Variants in C1GALT1C1L observed in about 807,000 individuals in gnomAD.
The protein encoded by C1GALT1C1L is C1GALT1 specific chaperone 1 like, also known as C1GALT1-specific chaperone 1-like protein.
In C1GALT1C1L, 1 loss-of-function variant was observed where a neutral mutation model predicts 0.5. The observed-to-expected ratio is 2.11, with a 90% CI of 0.75 to 10.02. The LOEUF is 10.02. Ranked by LOEUF, C1GALT1C1L falls within the 30% of genes most tolerant of loss-of-function variation. The pLI, the probability that C1GALT1C1L is intolerant of heterozygous loss-of-function variation, is 0.13. For synonymous variants in C1GALT1C1L, 148 were observed against 132.6 expected, an observed-to-expected ratio of 1.12 and a Z score of -0.80; for missense variants, 444 against 375.5, an observed-to-expected ratio of 1.18 and a Z score of -1.51.
Position 43,675,773 on chromosome 2 carries a change from C to G in C1GALT1C1L, c.550G>C (p.Gly184Arg), listed in dbSNP as rs1667726113. 2 of 1,613,684 alleles carry G rather than the reference C, an allele frequency of 1.2e-6. No homozygotes were observed. The highest frequency in any genetic ancestry group is 2.2e-5 in the East Asian group (1 of 44,870). The change falls in exon 1 of 1, where the codon GGG (glycine) becomes CGG (arginine). Residue 184 changes from glycine (G) to arginine (R), a missense_variant. Physicochemically the swap from Gly to Arg is moderately radical, Grantham distance 125 (BLOSUM62 -2). Coordinates refer to ENST00000475092, the MANE Select transcript of C1GALT1C1L (RefSeq NM_001101330.3). ...ATCAACTCTCTGCTTAAGACAATCC[C>G]TCCTTCCACAGTCACGTATTCGAGG... is the stretch of plus-strand genomic sequence containing the variant. ...GDLEYVTVEG[G>R]IVLSRELMKR... is the part of the protein sequence containing the mutation.
chr2:43,676,170 G>T lies in C1GALT1C1L; in HGVS notation c.153C>A (p.Asn51Lys), dbSNP rs777861497. 1.2e-6 allele frequency: 2 copies of T among 1,614,014 alleles called. No individual in the cohort carries two copies. Among genetic ancestry groups the T allele is most frequent in the Non-Finnish European group, 1.7e-6 (2 of 1,179,904 alleles). Residue 51 changes from asparagine (N) to lysine (K), a missense_variant, in exon 1 of 1, where the codon AAC becomes AAA. Transcript: ENST00000475092. ...EHHHLRPPNRNDFLNTSKVIL... is the reference protein window; with the variant it reads ...EHHHLRPPNRKDFLNTSKVIL... The stretch of plus-strand genomic sequence containing the variant: ...TCACTTTTGAAGTGTTTAAGAAATC[G>T]TTCCTGTTAGGTGGACGAAGGTGAT...
Position 43,676,276 on chromosome 2 carries a change from C to T in C1GALT1C1L, c.47G>A (p.Gly16Glu). Residue 16 changes from glycine (G) to glutamate (E), a missense_variant, in exon 1 of 1, where the codon GGG becomes GAG. By Grantham distance (98) the Gly-to-Glu change is moderately conservative (BLOSUM62 -2). Transcript: ENST00000475092. ...AGTTATCAAAACCCAGGAAATGCTC[C>T]CAAGCAACATACCCTTAAAAAATGA... ...GTSFFKGMLLGSISWVLITMF... is the reference protein window; with the variant it reads ...GTSFFKGMLLESISWVLITMF... 1 of 1,613,400 alleles carries T rather than the reference C, an allele frequency of 6.2e-7. No individual in the cohort carries two copies. The highest frequency in any genetic ancestry group is 8.5e-7 in the Non-Finnish European group (1 of 1,179,692).
chr2:43,676,172 T>A lies in C1GALT1C1L; in HGVS notation c.151A>T (p.Asn51Tyr). ...ACTTTTGAAGTGTTTAAGAAATCGT[T>A]CCTGTTAGGTGGACGAAGGTGATGG... is the stretch of plus-strand genomic sequence containing the variant. ...EHHHLRPPNRNDFLNTSKVIL... is the reference protein window; with the variant it reads ...EHHHLRPPNRYDFLNTSKVIL... Residue 51 changes from asparagine to tyrosine, a missense_variant, in exon 1 of 1, where the codon AAC (asparagine) becomes TAC (tyrosine). Physicochemically the swap from Asn to Tyr is moderately radical, Grantham distance 143. Coordinates refer to ENST00000475092, the MANE Select transcript of C1GALT1C1L (RefSeq NM_001101330.3). 1 of 1,614,030 alleles carries A rather than the reference T, an allele frequency of 6.2e-7. No homozygotes were observed. Among genetic ancestry groups the A allele is most frequent in the Non-Finnish European group, 8.5e-7 (1 of 1,179,888 alleles).
Position 43,675,864 on chromosome 2 carries a change from C to T in C1GALT1C1L, c.459G>A (p.Lys153=), listed in dbSNP as rs778443059. Reference sequence around the variant, plus strand: ...ATGCATCCCTTGTAAACAAAAGGTACTTTAAATTTTCAATGACAGCAAACG... The same window carrying T: ...ATGCATCCCTTGTAAACAAAAGGTATTTTAAATTTTCAATGACAGCAAACG... ...PTTFAVIENL[K]YLLFTRDASQ... is the part of the protein sequence containing the mutation. The change falls in exon 1 of 1, where the codon AAG becomes AAA. Residue 153 remains lysine, a synonymous_variant. Transcript: ENST00000475092. The T allele has an allele frequency of 9.9e-6, 16 of 1,614,064 alleles. No individual in the cohort carries two copies. In the Admixed American group the frequency reaches 2.5e-4, roughly 25 times the overall value.
At position 43,675,981 on chromosome 2, in the gene C1GALT1C1L, A is replaced by T; in HGVS notation, c.342T>A (p.Asn114Lys). Residue 114 changes from asparagine to lysine, a missense_variant, in exon 1 of 1, where the codon AAT becomes AAA. By Grantham distance (94) the Asn-to-Lys change is moderately conservative. Coordinates refer to ENST00000475092, the MANE Select transcript of C1GALT1C1L (RefSeq NM_001101330.3). ...KNDNLFNIESNDRWVQMRTAY... is the reference protein window; with the variant it reads ...KNDNLFNIESKDRWVQMRTAY... ...CGGTCCTCATCTGTACCCACCTGTC[A>T]TTACTTTCTATATTGAACAAATTAT... The T allele has an allele frequency of 6.2e-7, 1 of 1,614,014 alleles. No homozygotes were observed.
In C1GALT1C1L at chr2:43,675,981, A is replaced by G; in HGVS notation, c.342T>C (p.Asn114=). The stretch of plus-strand genomic sequence containing the variant: ...CGGTCCTCATCTGTACCCACCTGTC[A>G]TTACTTTCTATATTGAACAAATTAT... The part of the protein sequence containing the change: ...KNDNLFNIES[N]DRWVQMRTAY... The change falls in exon 1 of 1, where the codon AAT becomes AAC. Residue 114 remains asparagine (N), a synonymous_variant. Coordinates refer to ENST00000475092, the MANE Select transcript of C1GALT1C1L (RefSeq NM_001101330.3). 6.2e-7 allele frequency: 1 copy of G among 1,614,014 alleles called. No individual in the cohort carries two copies. Among genetic ancestry groups the G allele is most frequent in the Non-Finnish European group, 8.5e-7 (1 of 1,179,900 alleles).
Position 43,675,489 on chromosome 2 carries a change from C to T in C1GALT1C1L, c.834G>A (p.Leu278=). Residue 278 remains leucine, a synonymous_variant, in exon 1 of 1, where the codon CTG becomes CTA. Transcript: ENST00000475092. ...TCATTACTTCCATCTTTTGGGGGGT[C>T]AGTCCATTGAAAGTAATAGCCATAT... ...CSDMAITFNG[L]TPQKMEVMMY... is the part of the protein sequence containing the mutation. 1 of 1,614,006 alleles carries T rather than the reference C, an allele frequency of 6.2e-7. No individual in the cohort carries two copies. The highest frequency in any genetic ancestry group is 8.5e-7 in the Non-Finnish European group (1 of 1,179,900).
chr2:43,675,766 A>C lies in C1GALT1C1L; in HGVS notation c.557T>G (p.Val186Gly). Reference protein sequence around the residue: ...LEYVTVEGGIVLSRELMKRLN... With the variant: ...LEYVTVEGGIGLSRELMKRLN... ...TCTTTTCATCAACTCTCTGCTTAAGACAATCCCTCCTTCCACAGTCACGTA... is the reference window on the plus strand; with the variant it reads ...TCTTTTCATCAACTCTCTGCTTAAGCCAATCCCTCCTTCCACAGTCACGTA... Residue 186 changes from valine (V) to glycine (G), a missense_variant, in exon 1 of 1, where the codon GTC becomes GGC. Physicochemically the swap from Val to Gly is moderately radical, Grantham distance 109. Transcript: ENST00000475092. 1 of 1,613,770 alleles carries C rather than the reference A, an allele frequency of 6.2e-7. No individual in the cohort carries two copies. Among genetic ancestry groups the C allele is most frequent in the Non-Finnish European group, 8.5e-7 (1 of 1,179,764 alleles).
At position 43,676,162 on chromosome 2, in the gene C1GALT1C1L, A is replaced by G; in HGVS notation, c.161T>C (p.Leu54Ser). The change falls in exon 1 of 1, where the codon TTA (leucine) becomes TCA (serine). Residue 54 changes from leucine (L) to serine (S), a missense_variant. Physicochemically the swap from Leu to Ser is moderately radical, Grantham distance 145. Coordinates refer to ENST00000475092, the MANE Select transcript of C1GALT1C1L (RefSeq NM_001101330.3). ...CAAGAGTATCACTTTTGAAGTGTTT[A>G]AGAAATCGTTCCTGTTAGGTGGACG... ...HLRPPNRNDF[L>S]NTSKVILLEL... 1 of 1,614,064 alleles carries G rather than the reference A, an allele frequency of 6.2e-7. No homozygotes were observed. The highest frequency in any genetic ancestry group is 8.5e-7 in the Non-Finnish European group (1 of 1,179,908).
rs776355529 is a variant in C1GALT1C1L at position 43,676,363 on chromosome 2, C to G, written c.-41G>C. On this transcript the variant is annotated 5_prime_UTR_variant, in exon 1 of 1. Transcript: ENST00000475092. Reference sequence around the variant, plus strand: ...ACAGTGTGCCAGGGTCAAAGGCAGCCTGGGACCGGGTCCTGGGGTCCCGCG... The same window carrying G: ...ACAGTGTGCCAGGGTCAAAGGCAGCGTGGGACCGGGTCCTGGGGTCCCGCG... 6 of 1,513,004 alleles carry G rather than the reference C, an allele frequency of 4.0e-6. No homozygotes were observed. Among genetic ancestry groups the G allele is most frequent in the Non-Finnish European group, 4.5e-6 (5 of 1,123,544 alleles). 93.7% of individuals were successfully genotyped at this position (1,513,004 alleles called of 1,614,324 possible). A position where few individuals can be genotyped will look rare whatever the true frequency, so the allele number is the denominator to read the frequency against.
rs564351108 is a variant in C1GALT1C1L, at chr2:43,675,493, C to A, written c.830G>T (p.Gly277Val). The stretch of plus-strand genomic sequence containing the variant: ...TACTTCCATCTTTTGGGGGGTCAGT[C>A]CATTGAAAGTAATAGCCATATCTGA... ...CCSDMAITFN[G>V]LTPQKMEVMM... The change falls in exon 1 of 1, where the codon GGA becomes GTA. Residue 277 changes from glycine to valine, a missense_variant. Physicochemically the swap from Gly to Val is moderately radical, Grantham distance 109. Coordinates refer to ENST00000475092, the MANE Select transcript of C1GALT1C1L (RefSeq NM_001101330.3). 6.2e-7 allele frequency: 1 copy of A among 1,613,960 alleles called. No homozygotes were observed. Among genetic ancestry groups the A allele is most frequent in the East Asian group, 2.2e-5 (1 of 44,880 alleles).
At position 43,675,304 on chromosome 2, in the gene C1GALT1C1L, A is replaced by T. The variant is rs537601863; in HGVS notation, c.*71T>A. The T allele has an allele frequency of 2.6e-4, 266 of 1,004,638 alleles. 1 individual carries two copies. Among genetic ancestry groups the T allele is most frequent in the Non-Finnish European group, 1.2e-4 (83 of 698,782 alleles). 62.2% of individuals were successfully genotyped at this position (1,004,638 alleles called of 1,614,324 possible). ...AATGAAGTACGTATTTTACACTTAC[A>T]CTGTATCAGAATTTGGACTAGCCAC... is the stretch of plus-strand genomic sequence containing the variant. On this transcript the variant is annotated 3_prime_UTR_variant, in exon 1 of 1. Coordinates refer to ENST00000475092, the MANE Select transcript of C1GALT1C1L (RefSeq NM_001101330.3).
At position 43,675,545 on chromosome 2, in the gene C1GALT1C1L, G is replaced by C. The variant is rs750548400; in HGVS notation, c.778C>G (p.Pro260Ala). 1.2e-6 allele frequency: 2 copies of C among 1,613,886 alleles called. No individual in the cohort carries two copies. ...CAGCAGCCTTCTACTACTTGCTGAGGGTTATTAGACAATGCCTCTTCAATA... is the reference window on the plus strand; with the variant it reads ...CAGCAGCCTTCTACTACTTGCTGAGCGTTATTAGACAATGCCTCTTCAATA... ...QLIEEALSNN[P>A]QQVVEGCCSD... Residue 260 changes from proline to alanine, a missense_variant, in exon 1 of 1, where the codon CCT becomes GCT. By Grantham distance (27) the Pro-to-Ala change is conservative. Coordinates refer to ENST00000475092, the MANE Select transcript of C1GALT1C1L (RefSeq NM_001101330.3).
In C1GALT1C1L at chr2:43,675,465, C is replaced by T. The variant is rs780358492; in HGVS notation, c.858G>A (p.Met286Ile). The change falls in exon 1 of 1, where the codon ATG becomes ATA. Residue 286 changes from methionine to isoleucine, a missense_variant. Met to Ile is a conservative substitution (Grantham distance 10). Transcript: ENST00000475092. ...CCCTGAGCCGGTACAGGCCATACATCATTACTTCCATCTTTTGGGGGGTCA... is the reference window on the plus strand; with the variant it reads ...CCCTGAGCCGGTACAGGCCATACATTATTACTTCCATCTTTTGGGGGGTCA... ...NGLTPQKMEV[M>I]MYGLYRLRAF... 1.2e-6 allele frequency: 2 copies of T among 1,613,960 alleles called. No individual in the cohort carries two copies. The highest frequency in any genetic ancestry group is 1.1e-5 in the South Asian group (1 of 91,054).
Position 43,675,953 on chromosome 2 carries a change from A to G in C1GALT1C1L, c.370T>C (p.Tyr124His). Residue 124 changes from tyrosine (Y) to histidine (H), a missense_variant, in exon 1 of 1, where the codon TAC (tyrosine) becomes CAC (histidine). Physicochemically the swap from Tyr to His is moderately conservative, Grantham distance 83 (BLOSUM62 2). Transcript: ENST00000475092. Reference sequence around the variant, plus strand: ...CCATACTTTTCAAAGACGTATTTGTAAGCGGTCCTCATCTGTACCCACCTG... The same window carrying G: ...CCATACTTTTCAAAGACGTATTTGTGAGCGGTCCTCATCTGTACCCACCTG... Reference protein sequence around the residue: ...NDRWVQMRTAYKYVFEKYGDN... With the variant: ...NDRWVQMRTAHKYVFEKYGDN... 6.2e-7 allele frequency: 1 copy of G among 1,614,032 alleles called. No individual in the cohort carries two copies. The highest frequency in any genetic ancestry group is 8.5e-7 in the Non-Finnish European group (1 of 1,179,902).
Position 43,676,074 on chromosome 2 carries a change from G to A in C1GALT1C1L, c.249C>T (p.Tyr83=), listed in dbSNP as rs779030253. 26 of 1,613,762 alleles carry A rather than the reference G, an allele frequency of 1.6e-5. 2 individuals are homozygous for A. The East Asian group carries it at 3.3e-4, about 21-fold the overall frequency. The change falls in exon 1 of 1, where the codon TAC becomes TAT. Residue 83 remains tyrosine, a synonymous_variant. Transcript: ENST00000475092. Reference sequence around the variant, plus strand: ...TCCAGGTCTCTTTCAGTACAGCCCAGTAACTCTCATCTTCGGATTCTCCAA... The same window carrying A: ...TCCAGGTCTCTTTCAGTACAGCCCAATAACTCTCATCTTCGGATTCTCCAA... ...IIFGESEDES[Y]WAVLKETWTK...
chr2:43,675,348 C>T lies in C1GALT1C1L; in HGVS notation c.*27G>A. On this transcript the variant is annotated 3_prime_UTR_variant, in exon 1 of 1. Transcript: ENST00000475092. ...TAGCCACATTTCAAGTGCTCTTGGA[C>T]AGCACAGGTCTATTATTCTCCAGGC... is the stretch of plus-strand genomic sequence containing the variant. The T allele has an allele frequency of 1.1e-5, 17 of 1,486,110 alleles. No individual in the cohort carries two copies. Among genetic ancestry groups the T allele is most frequent in the Non-Finnish European group, 1.5e-5 (17 of 1,108,944 alleles). 92.1% of individuals were successfully genotyped at this position (1,486,110 alleles called of 1,614,324 possible).
rs1572530075 is a variant in C1GALT1C1L at position 43,675,951 on chromosome 2, G to A, written c.372C>T (p.Tyr124=). ...NDRWVQMRTA[Y]KYVFEKYGDN... ...CACCATACTTTTCAAAGACGTATTT[G>A]TAAGCGGTCCTCATCTGTACCCACC... The change falls in exon 1 of 1, where the codon TAC becomes TAT. Residue 124 remains tyrosine (Y), a synonymous_variant. Coordinates refer to ENST00000475092, the MANE Select transcript of C1GALT1C1L (RefSeq NM_001101330.3). The A allele has an allele frequency of 1.2e-6, 2 of 1,613,976 alleles. No homozygotes were observed. Among genetic ancestry groups the A allele is most frequent in the East Asian group, 4.5e-5 (2 of 44,886 alleles).
Position 43,676,045 on chromosome 2 carries a change from T to G in C1GALT1C1L, c.278A>C (p.Lys93Thr). The G allele has an allele frequency of 1.2e-6, 2 of 1,614,028 alleles. No homozygotes were observed. Among genetic ancestry groups the G allele is most frequent in the Non-Finnish European group, 1.7e-6 (2 of 1,179,882 alleles). Residue 93 changes from lysine to threonine, a missense_variant, in exon 1 of 1, where the codon AAA becomes ACA. Lys to Thr is a moderately conservative substitution (Grantham distance 78). Coordinates refer to ENST00000475092, the MANE Select transcript of C1GALT1C1L (RefSeq NM_001101330.3). Reference sequence around the variant, plus strand: ...GTAGAGCTCTGCTTTGTCACAGTGTTTGGTCCAGGTCTCTTTCAGTACAGC... The same window carrying G: ...GTAGAGCTCTGCTTTGTCACAGTGTGTGGTCCAGGTCTCTTTCAGTACAGC... ...YWAVLKETWT[K>T]HCDKAELYDT...
Sources: gnomAD v4.1 joint callset for allele counts on GRCh38, gnomAD v4.1.1 for gene constraint, MANE v1.5 for transcripts, NCBI Gene and HGNC (gene_info 2026-07-23, HGNC 2026-07-21) for gene names.